The following SHISA2 variants were observed in gnomAD, a reference collection of about 807,000 sequenced individuals.
SHISA2 encodes the protein shisa family member 2.
A neutral mutation model predicts 23.8 loss-of-function variants in SHISA2; 16 were observed. The observed-to-expected ratio is 0.67, with a 90% CI of 0.46 to 1.02. The LOEUF (loss-of-function observed/expected upper bound fraction) is 1.02, where lower values mean the gene tolerates loss of function less well. SHISA2 is among the 50% of genes least tolerant of loss of function. SHISA2 has a pLI of 0.00. For missense variants in SHISA2, 459 were observed against 420.1 expected (o/e 1.09, Z -0.81); for synonymous variants, 201 against 178.6 (o/e 1.13, Z -1.00).
chr13:26,049,863 A>AACACACACACACAT (rs1957289277), intron 1 of SHISA2, among the ~76,000 whole-genome samples: 1 of 135,950 alleles, frequency 7.4e-6, no homozygotes, highest in Non-Finnish European at 1.6e-5. Flanking sequence ...CGAAATAAAT[A>AACACACACACACAT]ACACACACAC....
intron 1 of SHISA2, among the ~76,000 whole-genome samples, chr13:26,047,890 C>A (rs1957277811): frequency 6.6e-6 from 1 of 152,168 alleles, no homozygotes; most frequent in African/African-American, 2.4e-5. Context: ...ACAGGGAAAG[C>A]CCTCAGAGCA....
At position 26,050,954 on chromosome 13, in the gene SHISA2, A is replaced by G; in HGVS notation, c.22T>C (p.Ser8Pro). 6.6e-7 allele frequency: 1 copy of G among 1,514,090 alleles called. No individual in the cohort carries two copies. The highest frequency in any genetic ancestry group is 8.8e-7 in the Non-Finnish European group (1 of 1,138,576). The allele number at this position is 1,514,090 out of a possible 1,614,324, so 93.8% of individuals were successfully genotyped here. The part of the protein sequence containing the change: MWGARRS[S>P]VSSSWNAASL... ...GCGGCGTTCCAGGATGAGGAGACGG[A>G]CGAGCGGCGAGCGCCCCACATGGCA... Residue 8 changes from serine to proline, a missense_variant, in exon 1 of 2, where the codon TCC (serine) becomes CCC (proline). By Grantham distance (74) the Ser-to-Pro change is moderately conservative (BLOSUM62 -1). Transcript: ENST00000319420.
chr13:26,047,963 TAAAAATAAA>T (rs1255175597), intron 1 of SHISA2, among the ~76,000 whole-genome samples: 1 of 152,156 alleles, frequency 6.6e-6, no homozygotes, highest in East Asian at 1.9e-4. Context: ...CCATAAAAAG[TAAAAATAAA>T]AACCTTTTGA....
At chr13:26,049,821 T>G (rs1333245417) in intron 1 of SHISA2, among the ~76,000 whole-genome samples, 1 of 145,720 alleles carries the variant, frequency 6.9e-6, no homozygotes, top group African/African-American at 2.6e-5. Context: ...CGGGGACACG[T>G]TTGCCATTTT....
rs1162835399 is a variant in SHISA2, at chr13:26,050,987, G to C, written c.-12C>G. On this transcript the variant is annotated 5_prime_UTR_variant, in exon 1 of 2. Transcript: ENST00000319420. ...CGAGCGCCCCACATGGCACCACCCT[G>C]GGCGCGGACAGCGCGTCTCCAGAGA... is the stretch of plus-strand genomic sequence containing the variant. 4 of 1,489,890 alleles carry C rather than the reference G, an allele frequency of 2.7e-6. No individual in the cohort carries two copies. The highest frequency in any genetic ancestry group is 2.7e-6 in the Non-Finnish European group (3 of 1,129,068). The allele number at this position is 1,489,890 out of a possible 1,614,324, so 92.3% of individuals were successfully genotyped here. A position where few individuals can be genotyped will look rare whatever the true frequency, so the allele number is the denominator to read the frequency against.
chr13:26,047,109 G>A, intron 1 of SHISA2, 43 bp from the exon 2 acceptor site: 4 of 1,497,958 alleles, frequency 2.7e-6, no homozygotes, highest in Non-Finnish European at 2.7e-6. Context: ...TCTACTCTAG[G>A]AACACAGTAC....
At position 26,046,253 on chromosome 13, in the gene SHISA2, TCAAGC is replaced by T; in HGVS notation, c.*255_*259del. On this transcript the variant is annotated 3_prime_UTR_variant, in exon 2 of 2. Transcript: ENST00000319420. ...ACCATATCTCAAGGGCACTTCGGAC[TCAAGC>T]ATTTGTTATACACCCATCAGCAACA... 2.5e-6 allele frequency: 1 copy of T among 393,546 alleles called. No individual in the cohort carries two copies. Among genetic ancestry groups the T allele is most frequent in the Non-Finnish European group, 4.5e-6 (1 of 220,914 alleles). The allele number at this position is 393,546 out of a possible 1,614,324, so 24.4% of individuals were successfully genotyped here. A position where few individuals can be genotyped will look rare whatever the true frequency, so the allele number is the denominator to read the frequency against.
Position 26,050,654 on chromosome 13 carries a change from C to A in SHISA2, c.322G>T (p.Asp108Tyr). The A allele has an allele frequency of 2.1e-6, 3 of 1,419,478 alleles. No individual in the cohort carries two copies. The highest frequency in any genetic ancestry group is 2.7e-6 in the Non-Finnish European group (3 of 1,096,020). The allele number at this position is 1,419,478 out of a possible 1,614,324, so 87.9% of individuals were successfully genotyped here. ...EPGRADKDGPDGSAVPIYVPF... is the reference protein window; with the variant it reads ...EPGRADKDGPYGSAVPIYVPF... ...CAGGCCGCCCTACCTGCCGAGCCGT[C>A]GGGGCCGTCTTTGTCCGCCCGGCCA... is the stretch of plus-strand genomic sequence containing the variant. Residue 108 changes from aspartate (D) to tyrosine (Y), a missense_variant, in exon 1 of 2, where the codon GAC becomes TAC. By Grantham distance (160) the Asp-to-Tyr change is radical. Coordinates refer to ENST00000319420, the MANE Select transcript of SHISA2 (RefSeq NM_001007538.2).
Position 26,051,148 on chromosome 13 carries a change from C to T in SHISA2, c.-173G>A. The T allele has an allele frequency of 1.7e-6, 1 of 576,756 alleles. No individual in the cohort carries two copies. The highest frequency in any genetic ancestry group is 2.4e-5 in the South Asian group (1 of 41,772). 35.7% of individuals were successfully genotyped at this position (576,756 alleles called of 1,614,324 possible). ...AGGCGACGACGCCGGGCCCTAGGTC[C>T]AGGAGCTCCTAAGCCATCCCCGTCC... On this transcript the variant is annotated 5_prime_UTR_variant, in exon 1 of 2. Coordinates refer to ENST00000319420, the MANE Select transcript of SHISA2 (RefSeq NM_001007538.2).
chr13:26,050,844 C>A lies in SHISA2; in HGVS notation c.132G>T (p.Ala44=), dbSNP rs370868172. ...GGAAGCCGATGCGCCAGACGCCCTG[C>A]GCGTCCAGCCAGCCGTGGCAGTACT... ...SGEYCHGWLD[A]QGVWRIGFQC... is the part of the protein sequence containing the mutation. Residue 44 remains alanine, a synonymous_variant, in exon 1 of 2, where the codon GCG becomes GCT. Transcript: ENST00000319420. 1.9e-5 allele frequency: 29 copies of A among 1,531,412 alleles called. No individual in the cohort carries two copies. The African/African-American group carries it at 2.3e-4, about 12-fold the overall frequency. The allele number at this position is 1,531,412 out of a possible 1,614,324, so 94.9% of individuals were successfully genotyped here.
At chr13:26,047,525 T>G (rs1957276209) in intron 1 of SHISA2, among the ~76,000 whole-genome samples, 1 of 152,258 alleles carries the variant, frequency 6.6e-6, no homozygotes, top group African/African-American at 2.4e-5. Context: ...GTTATTTAAG[T>G]TCCTTGCAAA....
In SHISA2 at chr13:26,046,230, C is replaced by T; in HGVS notation, c.*283G>A. ...CAGTTTATAAAATTCTTTCGTCAAC[C>T]ATATCTCAAGGGCACTTCGGACTCA... On this transcript the variant is annotated 3_prime_UTR_variant, in exon 2 of 2. Transcript: ENST00000319420. The T allele has an allele frequency of 3.1e-6, 1 of 319,502 alleles. No homozygotes were observed. Among genetic ancestry groups the T allele is most frequent in the South Asian group, 1.2e-4 (1 of 8,466 alleles). The allele number at this position is 319,502 out of a possible 1,614,324, so 19.8% of individuals were successfully genotyped here. A position where few individuals can be genotyped will look rare whatever the true frequency, so the allele number is the denominator to read the frequency against.
chr13:26,050,713 C>A lies in SHISA2; in HGVS notation c.263G>T (p.Cys88Phe), dbSNP rs1200166776. 2.7e-6 allele frequency: 4 copies of A among 1,484,014 alleles called. No homozygotes were observed. The highest frequency in any genetic ancestry group is 2.7e-6 in the Non-Finnish European group (3 of 1,124,428). 91.9% of individuals were successfully genotyped at this position (1,484,014 alleles called of 1,614,324 possible). The change falls in exon 1 of 2, where the codon TGC becomes TTC. Residue 88 changes from cysteine (C) to phenylalanine (F), a missense_variant. Coordinates refer to ENST00000319420, the MANE Select transcript of SHISA2 (RefSeq NM_001007538.2). ...SAEARLDQGG[C>F]DNDRQQGAGE... ...AGCGCCCTGCTGGCGGTCATTGTCG[C>A]AGCCGCCCTGGTCCAGGCGCGCCTC...
intron 1 of SHISA2, among the ~76,000 whole-genome samples, chr13:26,048,029 A>C (rs1957278241): frequency 6.6e-6 from 1 of 152,234 alleles, no homozygotes; most frequent in African/African-American, 2.4e-5. Flanking sequence ...CTGGCGGGGC[A>C]CGGTGGCTCA....
Position 26,044,620 on chromosome 13 carries a change from A to G in SHISA2, c.*1893T>C, listed in dbSNP as rs549785846. ...AATTCACATCATAAAATATTTATTA[A>G]TAAGTAAAATGATTTTCCCCTGCCT... is the stretch of plus-strand genomic sequence containing the variant. On this transcript the variant is annotated 3_prime_UTR_variant, in exon 2 of 2. Coordinates refer to ENST00000319420, the MANE Select transcript of SHISA2 (RefSeq NM_001007538.2). The G allele has an allele frequency of 2.0e-5, 3 of 152,250 alleles. No individual in the cohort carries two copies. The highest frequency in any genetic ancestry group is 3.2e-3 in the Middle Eastern group (1 of 316). 9.4% of individuals were successfully genotyped at this position (152,250 alleles called of 1,614,324 possible).
At chr13:26,047,702 A>C (rs369332358) in intron 1 of SHISA2, among the ~76,000 whole-genome samples, 85 of 152,338 alleles carry the variant, frequency 5.6e-4, no homozygotes, top group Middle Eastern at 6.8e-3. Context: ...CTTCCTTAGC[A>C]AAAGCCAGGG....
At chr13:26,049,055 C>T (rs1957283561) in intron 1 of SHISA2, among the ~76,000 whole-genome samples, 1 of 152,072 alleles carries the variant, frequency 6.6e-6, no homozygotes, top group South Asian at 2.1e-4. Context: ...GACACCAGCC[C>T]TAAATATGTT....
At chr13:26,047,689 A>C (rs955002873) in intron 1 of SHISA2, among the ~76,000 whole-genome samples, 5 of 152,024 alleles carry the variant, frequency 3.3e-5, no homozygotes, top group African/African-American at 9.7e-5. Context: ...GACCCTCTTC[A>C]CTCTTCCTTA....
chr13:26,048,790 C>G (rs1454766736), intron 1 of SHISA2, among the ~76,000 whole-genome samples: 1 of 152,136 alleles, frequency 6.6e-6, no homozygotes, highest in Non-Finnish European at 1.5e-5. Context: ...GTAAGTAAAA[C>G]AATACTTTAT....
Sources: allele counts gnomAD v4.1 joint callset (sites outside exome capture counted in the v4.1 genomes callset), GRCh38; gene constraint gnomAD v4.1.1; transcripts MANE v1.5; gene names NCBI Gene and HGNC (gene_info 2026-07-23, HGNC 2026-07-21).